KCTD8: variants seen among roughly 807,000 people sequenced by gnomAD.
KCTD8 encodes potassium channel tetramerization domain containing 8, also known as BTB/POZ domain-containing protein KCTD8.
In KCTD8, 27 loss-of-function variants were observed where a neutral mutation model predicts 31.5. The observed-to-expected ratio is 0.86, with a 90% confidence interval of 0.63 to 1.18. KCTD8 has a LOEUF of 1.18. KCTD8 is among the 50% of genes most tolerant of loss of function. The pLI, the probability that KCTD8 is intolerant of heterozygous loss-of-function variation, is 0.00. For missense variants in KCTD8, 658 were observed against 647.7 expected (o/e 1.02, Z -0.17); for synonymous variants, 290 against 280.0 (o/e 1.04, Z -0.36).
chr4:44,176,860 C>CT (rs1553890661), intron 1 of KCTD8, among the ~76,000 whole-genome samples: 1,803 of 148,466 alleles, frequency 0.012, 29 homozygotes, highest in Non-Finnish European at 0.018. Context: ...TATATGTCTA[C>CT]ATCTATCTAT....
At chr4:44,378,117 C>A in intron 1 of KCTD8, among the ~76,000 whole-genome samples, 1 of 127,672 alleles carries the variant, frequency 7.8e-6, no homozygotes, top group Non-Finnish European at 1.8e-5. Flanking sequence ...AAAAATCAAA[C>A]CACCTCTCTG....
At chr4:44,384,202 A>T (rs561661282) in intron 1 of KCTD8, among the ~76,000 whole-genome samples, 21 of 152,072 alleles carry the variant, frequency 1.4e-4, no homozygotes, top group African/African-American at 5.1e-4. Context: ...GAGAACTCTT[A>T]TACATTGTTG....
At chr4:44,272,316 G>A (rs1716636743) in intron 1 of KCTD8, among the ~76,000 whole-genome samples, 1 of 151,484 alleles carries the variant, frequency 6.6e-6, no homozygotes. Flanking sequence ...AAAGATAAAT[G>A]ATGAACAAAT....
chr4:44,210,858 T>G (rs1714468027), intron 1 of KCTD8, among the ~76,000 whole-genome samples: 1 of 152,144 alleles, frequency 6.6e-6, no homozygotes, highest in Admixed American at 6.5e-5. Context: ...TTAGGAAAGC[T>G]TGCTCTCTGA....
intron 1 of KCTD8, among the ~76,000 whole-genome samples, chr4:44,207,457 A>G (rs2109342014): frequency 6.6e-6 from 1 of 152,316 alleles, no homozygotes; most frequent in African/African-American, 2.4e-5. Context: ...CCATTATAAT[A>G]AAAGCTCCAG....
Position 44,447,779 on chromosome 4 carries a change from C to A in KCTD8, c.745G>T (p.Gly249Trp). The change falls in exon 1 of 2, where the codon GGG (glycine) becomes TGG (tryptophan). Residue 249 changes from glycine (G) to tryptophan (W), a missense_variant. Transcript: ENST00000360029. ...GRIALAKEVF[G>W]DTLNESRDPD... ...TCGCGGCTCTCGTTGAGCGTGTCCC[C>A]GAAGACCTCCTTGGCCAGCGCGATG... 6.2e-7 allele frequency: 1 copy of A among 1,610,304 alleles called. No homozygotes were observed. The highest frequency in any genetic ancestry group is 8.5e-7 in the Non-Finnish European group (1 of 1,178,210).
intron 1 of KCTD8, among the ~76,000 whole-genome samples, chr4:44,337,071 T>C (rs780416216): frequency 1.3e-5 from 2 of 152,108 alleles, no homozygotes; most frequent in African/African-American, 4.8e-5. Flanking sequence ...TAAAAGAAGA[T>C]AGAAACACAA....
intron 1 of KCTD8, among the ~76,000 whole-genome samples, chr4:44,270,927 C>T (rs1188645769): frequency 6.6e-6 from 1 of 152,128 alleles, no homozygotes; most frequent in Non-Finnish European, 1.5e-5. Flanking sequence ...AACATTTTTT[C>T]TTCTTTCATT....
intron 1 of KCTD8, among the ~76,000 whole-genome samples, chr4:44,444,391 T>C (rs4440258): frequency 0.38 from 57,129 of 152,028 alleles, 11,114 homozygotes; most frequent in East Asian, 0.63. Flanking sequence ...ATTTAATTGG[T>C]TATTTCATAA....
In KCTD8 at chr4:44,423,515, T is replaced by C. The variant is rs1419836583; in HGVS notation, c.961+24048A>G. Among the ~76,000 whole-genome samples, 9 of 152,196 alleles carry C rather than the reference T, an allele frequency of 5.9e-5. No individual in the cohort carries two copies. In the East Asian group the frequency reaches 1.7e-3, roughly 29 times the overall value. On this transcript the variant is annotated intron_variant, in intron 1 of 1. Coordinates refer to ENST00000360029, the MANE Select transcript of KCTD8 (RefSeq NM_198353.3). The stretch of plus-strand genomic sequence containing the variant: ...AATGTCAACAATTCTGTCTGCTTAA[T>C]AAAAAGTGACCCAATTCCTCTGTTC...
intron 1 of KCTD8, among the ~76,000 whole-genome samples, chr4:44,330,925 GATATGAGGCATACCAC>G (rs1440989516): frequency 6.6e-6 from 1 of 151,722 alleles, no homozygotes; most frequent in East Asian, 1.9e-4. Flanking sequence ...TCCCAGAGAA[GATATGAGGCATACCAC>G]ATTGTGACAC....
chr4:44,232,506 C>T (rs889237412), intron 1 of KCTD8, among the ~76,000 whole-genome samples: 2 of 152,218 alleles, frequency 1.3e-5, no homozygotes, highest in Admixed American at 1.3e-4. Context: ...GTCATTAGAG[C>T]ACTTCGGTTT....
intron 1 of KCTD8, among the ~76,000 whole-genome samples, chr4:44,359,556 G>C (rs1318587973): frequency 6.6e-6 from 1 of 152,084 alleles, no homozygotes; most frequent in African/African-American, 2.4e-5. Context: ...AAATTCTCTT[G>C]TACTGAAGTA....
intron 1 of KCTD8, among the ~76,000 whole-genome samples, chr4:44,279,672 C>A (rs1299713366): frequency 6.6e-6 from 1 of 152,026 alleles, no homozygotes; most frequent in Non-Finnish European, 1.5e-5. Context: ...CAGAATTCTG[C>A]CTACCAAAAG....
At chr4:44,352,679 C>G (rs1719233956) in intron 1 of KCTD8, among the ~76,000 whole-genome samples, 1 of 150,998 alleles carries the variant, frequency 6.6e-6, no homozygotes, top group African/African-American at 2.4e-5. Context: ...TATATAATAT[C>G]CATAATCTAA....
chr4:44,302,394 T>A (rs1420249108), intron 1 of KCTD8, among the ~76,000 whole-genome samples: 1 of 152,182 alleles, frequency 6.6e-6, no homozygotes, highest in Non-Finnish European at 1.5e-5. Context: ...TTTATTTCAT[T>A]GAGCAGTGGT....
intron 1 of KCTD8, among the ~76,000 whole-genome samples, chr4:44,196,525 G>A (rs756642322): frequency 5.9e-5 from 9 of 152,158 alleles, no homozygotes; most frequent in Non-Finnish European, 1.2e-4. Flanking sequence ...TCATGAAGAA[G>A]AAACAAAGTT....
chr4:44,266,469 G>T (rs1295736233), intron 1 of KCTD8, among the ~76,000 whole-genome samples: 1 of 152,186 alleles, frequency 6.6e-6, no homozygotes, highest in Non-Finnish European at 1.5e-5. Context: ...TCGAGTCTAG[G>T]AAGAAACTGC....
intron 1 of KCTD8, among the ~76,000 whole-genome samples, chr4:44,386,169 A>G (rs1339589427): frequency 6.6e-6 from 1 of 151,594 alleles, no homozygotes; most frequent in Non-Finnish European, 1.5e-5. Flanking sequence ...AATAGAACCA[A>G]CATATGATAC....
Sources: gnomAD v4.1 joint callset for allele counts (sites outside exome capture counted in the v4.1 genomes callset) on GRCh38, gnomAD v4.1.1 for gene constraint, MANE v1.5 for transcripts, NCBI Gene and HGNC (gene_info 2026-07-23, HGNC 2026-07-21) for gene names.